DENND1B: variants seen among roughly 807,000 people sequenced by gnomAD.
DENND1B encodes DENN domain containing 1B, also known as DENN domain-containing protein 1B.
A neutral mutation model predicts 90.1 loss-of-function variants in DENND1B; 59 were observed. That is an observed-to-expected ratio of 0.65 (90% CI 0.53 to 0.81). DENND1B has a LOEUF of 0.81. DENND1B is among the 40% of genes least tolerant of loss of function. DENND1B has a pLI of 0.00. For missense variants in DENND1B, 862 were observed against 912.6 expected, an observed-to-expected ratio of 0.94 and a Z score of 0.71; for synonymous variants, 337 against 324.6, an observed-to-expected ratio of 1.04 and a Z score of -0.41.
At position 197,579,213 on chromosome 1, in the gene DENND1B, C is replaced by T. The variant is rs114912828; in HGVS notation, c.1149+3939G>A. On this transcript the variant is annotated intron_variant, in intron 15 of 22. Coordinates refer to ENST00000620048, the MANE Select transcript of DENND1B (RefSeq NM_001195215.2). ...GGGGATGGTAGCCTAGCCAAGTGGACACATTAATGAAACCAACACGAGGGG... is the reference window on the plus strand; with the variant it reads ...GGGGATGGTAGCCTAGCCAAGTGGATACATTAATGAAACCAACACGAGGGG... 5.9e-3 allele frequency among the ~76,000 whole-genome samples: 896 copies of T among 152,244 alleles called. 13 individuals are homozygous for T. Among genetic ancestry groups the T allele is most frequent in the African/African-American group, 0.02 (838 of 41,544 alleles).
At chr1:197,763,503 G>A (rs1051976726) in intron 2 of DENND1B, among the ~76,000 whole-genome samples, 1 of 152,044 alleles carries the variant, frequency 6.6e-6, no homozygotes, top group Non-Finnish European at 1.5e-5. Context: ...ACTGTTTTAG[G>A]CTCTGAGTAA....
chr1:197,652,363 C>T, intron 6 of DENND1B, 48 bp from the exon 7 acceptor site: 4 of 1,415,872 alleles, frequency 2.8e-6, no homozygotes, highest in Non-Finnish European at 3.9e-6. Flanking sequence ...ATATACCAAG[C>T]AACTGCAATT....
chr1:197,588,240 C>T (rs941899653), intron 14 of DENND1B, among the ~76,000 whole-genome samples: 1 of 152,162 alleles, frequency 6.6e-6, no homozygotes, highest in South Asian at 2.1e-4. Context: ...TGAAATACAG[C>T]TGTTTTTCTA....
intron 2 of DENND1B, among the ~76,000 whole-genome samples, chr1:197,768,422 C>T (rs1338256266): frequency 6.6e-6 from 1 of 152,146 alleles, no homozygotes; most frequent in African/African-American, 2.4e-5. Context: ...TTTCATTTCC[C>T]TGAAGTCTTA....
chr1:197,669,321 G>A (rs1013051823), intron 5 of DENND1B, among the ~76,000 whole-genome samples: 1 of 152,006 alleles, frequency 6.6e-6, no homozygotes, highest in Non-Finnish European at 1.5e-5. Context: ...AAAGCTAAAA[G>A]TGGTGAAGGA....
intron 2 of DENND1B, among the ~76,000 whole-genome samples, chr1:197,719,813 A>T (rs1660988421): frequency 6.6e-6 from 1 of 152,226 alleles, no homozygotes; most frequent in Non-Finnish European, 1.5e-5. Context: ...TGAAAAGTCC[A>T]TTAATATTAT....
At position 197,519,065 on chromosome 1, in the gene DENND1B, A is replaced by C. The variant is rs114341351; in HGVS notation, c.1516-6112T>G. The stretch of plus-strand genomic sequence containing the variant: ...TTTCTTGTCCATAGAGATGCAAGTA[A>C]ATTTTGTCCAGTGAAGATGTAATTA... On this transcript the variant is annotated intron_variant, in intron 20 of 22. Transcript: ENST00000620048. Among the ~76,000 whole-genome samples the C allele has an allele frequency of 6.0e-3, 911 of 151,972 alleles. 12 individuals carry two copies. Among genetic ancestry groups the C allele is most frequent in the African/African-American group, 0.021 (881 of 41,488 alleles).
chr1:197,653,212 C>CA, intron 6 of DENND1B, among the ~76,000 whole-genome samples: 1 of 152,070 alleles, frequency 6.6e-6, no homozygotes, highest in East Asian at 1.9e-4. Context: ...ATAAAAAGAA[C>CA]AAAAACAATG....
At chr1:197,767,413 G>A (rs1243461991) in intron 2 of DENND1B, among the ~76,000 whole-genome samples, 1 of 152,050 alleles carries the variant, frequency 6.6e-6, no homozygotes, top group East Asian at 1.9e-4. Context: ...AGGACACTAA[G>A]AATTCTTTGG....
At chr1:197,729,078 A>T (rs888521183) in intron 2 of DENND1B, among the ~76,000 whole-genome samples, 37 of 152,122 alleles carry the variant, frequency 2.4e-4, no homozygotes, top group Admixed American at 1.5e-3. Flanking sequence ...CTGTCTCTCT[A>T]AAATCAATAC....
intron 20 of DENND1B, among the ~76,000 whole-genome samples, chr1:197,525,377 C>A (rs887700171): frequency 8.6e-5 from 13 of 151,930 alleles, no homozygotes; most frequent in Admixed American, 8.5e-4. Context: ...ATAGTATTCT[C>A]AAAACAAAAT....
rs140486408 is a variant in DENND1B, at chr1:197,756,381, C to G, written c.82+16487G>C. The stretch of plus-strand genomic sequence containing the variant: ...CTTGAGGTCAGGAGTTCAAGACCAG[C>G]CCGGCCAACAAAGCGAAACCACATC... On this transcript the variant is annotated intron_variant, in intron 2 of 22. Coordinates refer to ENST00000620048, the MANE Select transcript of DENND1B (RefSeq NM_001195215.2). Among the ~76,000 whole-genome samples, 1,380 of 152,114 alleles carry G rather than the reference C, an allele frequency of 9.1e-3. 16 individuals carry two copies. Among genetic ancestry groups the G allele is most frequent in the African/African-American group, 0.028 (1,169 of 41,480 alleles).
intron 14 of DENND1B, among the ~76,000 whole-genome samples, chr1:197,588,520 A>G (rs1417776675): frequency 2.6e-5 from 4 of 152,194 alleles, no homozygotes; most frequent in African/African-American, 9.6e-5. Context: ...CATCAACATT[A>G]TACTTATTCA....
intron 2 of DENND1B, among the ~76,000 whole-genome samples, chr1:197,728,251 A>C (rs1206255579): frequency 6.6e-6 from 1 of 152,198 alleles, no homozygotes; most frequent in Non-Finnish European, 1.5e-5. Context: ...CTACTGCCAC[A>C]AATCTTTCTG....
intron 15 of DENND1B, among the ~76,000 whole-genome samples, chr1:197,566,650 T>C (rs1431644320): frequency 1.3e-5 from 2 of 152,250 alleles, no homozygotes; most frequent in South Asian, 2.1e-4. Flanking sequence ...TAAACTTAAA[T>C]GCCTATTATG....
Position 197,674,152 on chromosome 1 carries a change from C to G in DENND1B, c.144G>C (p.Val48=). 1 of 1,602,740 alleles carries G rather than the reference C, an allele frequency of 6.2e-7. No individual in the cohort carries two copies. The highest frequency in any genetic ancestry group is 1.3e-5 in the African/African-American group (1 of 74,518). Residue 48 remains valine, a synonymous_variant, in exon 4 of 23, where the codon GTG becomes GTC. Coordinates refer to ENST00000620048, the MANE Select transcript of DENND1B (RefSeq NM_001195215.2). ...DFGDQEILQS[V]PKFCFPFDVE... ...CGTCAAAGGGAAAACAGAACTTTGG[C>G]ACACTCTGTAGTATTTCCTACAAAT...
rs962180621 is a variant in DENND1B at position 197,714,392 on chromosome 1, T to G, written c.126+639A>C. ...ATCTATAACATAAAGTTTAAATGAT[T>G]TTTCTATTTACATATATCATGTAAA... On this transcript the variant is annotated intron_variant, in intron 3 of 22. Coordinates refer to ENST00000620048, the MANE Select transcript of DENND1B (RefSeq NM_001195215.2). Among the ~76,000 whole-genome samples the G allele has an allele frequency of 1.4e-4, 22 of 152,150 alleles. 1 individual carries two copies. The highest frequency in any genetic ancestry group is 2.2e-4 in the Non-Finnish European group (15 of 68,020).
chr1:197,747,659 A>G (rs757661265), intron 2 of DENND1B, among the ~76,000 whole-genome samples: 30 of 152,252 alleles, frequency 2.0e-4, no homozygotes, highest in Non-Finnish European at 3.5e-4. Flanking sequence ...AAAAAGCACA[A>G]CAAAGCAAAG....
intron 2 of DENND1B, among the ~76,000 whole-genome samples, chr1:197,738,867 T>C (rs1327429726): frequency 6.6e-6 from 1 of 152,330 alleles, no homozygotes; most frequent in Non-Finnish European, 1.5e-5. Context: ...TTGGTCTTAA[T>C]ATCTGGAGTT....
Sources: gnomAD v4.1 joint callset for allele counts (sites outside exome capture counted in the v4.1 genomes callset) on GRCh38, gnomAD v4.1.1 for gene constraint, MANE v1.5 for transcripts, NCBI Gene and HGNC (gene_info 2026-07-23, HGNC 2026-07-21) for gene names.